ARHGAP23: variants seen among roughly 807,000 people sequenced by gnomAD.
ARHGAP23 encodes the protein Rho GTPase activating protein 23, also known as rho GTPase-activating protein 23.
A neutral mutation model predicts 136.3 loss-of-function variants in ARHGAP23; 34 were observed. That is an observed-to-expected ratio of 0.25 (90% CI 0.19 to 0.33). The LOEUF is 0.33. ARHGAP23 is among the 10% of genes least tolerant of loss of function. The pLI is 1.00. For missense variants in ARHGAP23, 1,808 were observed against 2,139.0 expected (o/e 0.85, Z 3.05); for synonymous variants, 832 against 920.5 (o/e 0.90, Z 1.74).
At chr17:38,432,672 G>A (rs2038710341) in intron 1 of ARHGAP23, among the ~76,000 whole-genome samples, 1 of 150,882 alleles carries the variant, frequency 6.6e-6, no homozygotes, top group Admixed American at 6.6e-5. Flanking sequence ...AGAGCAAAAT[G>A]TAGTCTTAAA....
chr17:38,468,682 G>C (rs372101544), intron 7 of ARHGAP23, among the ~76,000 whole-genome samples: 3 of 152,322 alleles, frequency 2.0e-5, no homozygotes, highest in East Asian at 3.9e-4. Context: ...GTCTGTTTGA[G>C]GGGGAGATGT....
chr17:38,466,387 C>A lies in ARHGAP23; in HGVS notation c.704C>A (p.Ala235Asp). The change falls in exon 7 of 24, where the codon GCT becomes GAT. Residue 235 changes from alanine to aspartate, a missense_variant. Around this residue, in one of 7 missense-constraint regions of ARHGAP23, gnomAD observed 859 missense variants for 936.4 expected, o/e 0.92. Coordinates refer to ENST00000622683, the MANE Select transcript of ARHGAP23 (RefSeq NM_001199417.2). ...GACCCGGGGCTCCGTGTGCCACCTG[C>A]TGCCCGTGCCCACCTGGACAACTCT... is the stretch of plus-strand genomic sequence containing the variant. ...WSDPGLRVPP[A>D]ARAHLDNSSL... The A allele has an allele frequency of 6.5e-7, 1 of 1,535,012 alleles. No homozygotes were observed. Among genetic ancestry groups the A allele is most frequent in the African/African-American group, 1.4e-5 (1 of 72,990 alleles).
At chr17:38,429,298 G>A (rs939132204) in intron 1 of ARHGAP23, among the ~76,000 whole-genome samples, 1 of 152,232 alleles carries the variant, frequency 6.6e-6, no homozygotes, top group Admixed American at 6.5e-5. Context: ...GGCCAGCAGG[G>A]GCCTCCCAGC....
rs1327063879 is a variant in ARHGAP23, at chr17:38,471,986, A to C, written c.2098A>C (p.Ile700Leu). The C allele has an allele frequency of 6.5e-7, 1 of 1,549,402 alleles. No homozygotes were observed. Among genetic ancestry groups the C allele is most frequent in the African/African-American group, 1.4e-5 (1 of 72,976 alleles). ...AGAAGGCTGGTTGTATTATAAGCAG[A>C]TTCTCACCAAGAAGGGGAAGGTAAG... is the stretch of plus-strand genomic sequence containing the variant. The part of the protein sequence containing the change: ...RREGWLYYKQ[I>L]LTKKGKKAGS... The change falls in exon 11 of 24, where the codon ATT (isoleucine) becomes CTT (leucine). Residue 700 changes from isoleucine to leucine, a missense_variant. Transcript: ENST00000622683.
At chr17:38,472,766 C>G (rs2039792574) in intron 11 of ARHGAP23, among the ~76,000 whole-genome samples, 1 of 152,202 alleles carries the variant, frequency 6.6e-6, no homozygotes. Context: ...TCACCCATTG[C>G]TCTGAGAGCC....
At chr17:38,470,309 C>T (rs1405670801) in intron 10 of ARHGAP23, among the ~76,000 whole-genome samples, 3 of 152,254 alleles carry the variant, frequency 2.0e-5, no homozygotes, top group Non-Finnish European at 1.5e-5. Flanking sequence ...TTCCCTTCCT[C>T]CCTGCCTGGC....
upstream of ARHGAP23, among the ~76,000 whole-genome samples, chr17:38,423,788 A>G (rs984859321): frequency 1.3e-5 from 2 of 152,142 alleles, no homozygotes; most frequent in Non-Finnish European, 2.9e-5. Context: ...AAGCCATAAA[A>G]GTGCAAGAAC....
At chr17:38,431,163 T>C (rs1034288772) in intron 1 of ARHGAP23, among the ~76,000 whole-genome samples, 2 of 152,150 alleles carry the variant, frequency 1.3e-5, no homozygotes, top group African/African-American at 4.8e-5. Flanking sequence ...CCACCCCAAA[T>C]CCGTGTCCAT....
At position 38,466,609 on chromosome 17, in the gene ARHGAP23, C is replaced by A. The variant is rs1481864354; in HGVS notation, c.926C>A (p.Ala309Asp). The A allele has an allele frequency of 2.0e-6, 3 of 1,511,614 alleles. No homozygotes were observed. In the East Asian group the frequency reaches 7.4e-5, roughly 37 times the overall value. 93.6% of individuals were successfully genotyped at this position (1,511,614 alleles called of 1,614,324 possible). Reference protein sequence around the residue: ...RAGERRCPAMAPRARSASQDR... With the variant: ...RAGERRCPAMDPRARSASQDR... ...GGGGAGAGACGGTGCCCAGCCATGG[C>A]CCCCCGGGCCCGCAGCGCCTCCCAG... Residue 309 changes from alanine (A) to aspartate (D), a missense_variant, in exon 7 of 24, where the codon GCC becomes GAC. Around this residue, in one of 7 missense-constraint regions of ARHGAP23, gnomAD observed 859 missense variants for 936.4 expected, o/e 0.92. Transcript: ENST00000622683.
At chr17:38,436,874 G>A (rs894316072) in intron 1 of ARHGAP23, among the ~76,000 whole-genome samples, 2 of 152,192 alleles carry the variant, frequency 1.3e-5, no homozygotes, top group Non-Finnish European at 2.9e-5. Context: ...AGGCGATAAC[G>A]GGAGTTTAAA....
chr17:38,470,570 T>C (rs2039726992), intron 10 of ARHGAP23, among the ~76,000 whole-genome samples: 1 of 152,230 alleles, frequency 6.6e-6, no homozygotes, highest in Non-Finnish European at 1.5e-5. Context: ...AGAGTCTCAC[T>C]CCATTGCCCA....
intron 11 of ARHGAP23, among the ~76,000 whole-genome samples, chr17:38,475,347 T>C (rs1478984980): frequency 2.0e-5 from 3 of 152,248 alleles, no homozygotes; most frequent in Non-Finnish European, 4.4e-5. Context: ...GGGAGTGCGG[T>C]TGACTTGTCC....
At position 38,470,258 on chromosome 17, in the gene ARHGAP23, CTA is replaced by C. The variant is rs200387149; in HGVS notation, c.1974+356_1974+357del. ...ACATTTCACGCCTCCCTTCGCTACTCTATGTTTTCCTCCTCAGCACGCCTCAT... is the reference window on the plus strand; with the variant it reads ...ACATTTCACGCCTCCCTTCGCTACTCTGTTTTCCTCCTCAGCACGCCTCAT... On this transcript the variant is annotated intron_variant, in intron 10 of 23. Coordinates refer to ENST00000622683, the MANE Select transcript of ARHGAP23 (RefSeq NM_001199417.2). 9.2e-3 allele frequency among the ~76,000 whole-genome samples: 1,397 copies of C among 152,360 alleles called. 20 individuals carry two copies. Among genetic ancestry groups the C allele is most frequent in the African/African-American group, 0.032 (1,321 of 41,586 alleles).
chr17:38,495,601 C>T (rs2040374935), intron 20 of ARHGAP23, among the ~76,000 whole-genome samples: 1 of 152,090 alleles, frequency 6.6e-6, no homozygotes, highest in Admixed American at 6.5e-5. Context: ...CCCTTCTGGC[C>T]TTCCTGTGCT....
chr17:38,457,013 G>A (rs1441948496), intron 1 of ARHGAP23, among the ~76,000 whole-genome samples: 7 of 152,098 alleles, frequency 4.6e-5, no homozygotes, highest in Admixed American at 2.6e-4. Context: ...GGGTTCAAGC[G>A]ATTCTCCTGC....
At chr17:38,457,503 T>C (rs1460295535) in intron 1 of ARHGAP23, 2 of 156,514 alleles carry the variant, frequency 1.3e-5, no homozygotes, top group African/African-American at 4.8e-5. Context: ...ACTTTGATTC[T>C]GTGCAACTCT....
chr17:38,444,321 C>A lies in ARHGAP23; in HGVS notation c.64-13781C>A, dbSNP rs147448489. ...CCACGGGACCTGCCTGCCAGGCAGCCGAGATGTGCACCCTTCATTGTGCGG... is the reference window on the plus strand; with the variant it reads ...CCACGGGACCTGCCTGCCAGGCAGCAGAGATGTGCACCCTTCATTGTGCGG... On this transcript the variant is annotated intron_variant, in intron 1 of 23. Coordinates refer to ENST00000622683, the MANE Select transcript of ARHGAP23 (RefSeq NM_001199417.2). Among the ~76,000 whole-genome samples, 18 of 152,072 alleles carry A rather than the reference C, an allele frequency of 1.2e-4. No homozygotes were observed. In the East Asian group the frequency reaches 3.5e-3, roughly 30 times the overall value.
In ARHGAP23 at chr17:38,486,536, CTTTT is replaced by C. The variant is rs34888986; in HGVS notation, c.2986+413_2986+416del. 3.2e-4 allele frequency among the ~76,000 whole-genome samples: 40 copies of C among 125,834 alleles called. 1 individual carries two copies. The highest frequency in any genetic ancestry group is 9.6e-4 in the African/African-American group (32 of 33,348). 82.6% of individuals were successfully genotyped at this position (125,834 alleles called of 152,430 possible). On this transcript the variant is annotated intron_variant, in intron 17 of 23. Transcript: ENST00000622683. ...TTACAGGCATGAGCCACCACGCTGG[CTTTT>C]TTTTTTTTTTTTTTTTAACACAAAA...
chr17:38,442,695 A>C (rs1260204415), intron 1 of ARHGAP23, among the ~76,000 whole-genome samples: 1 of 152,210 alleles, frequency 6.6e-6, no homozygotes, highest in Non-Finnish European at 1.5e-5. Flanking sequence ...CAGAAACAGC[A>C]TGTGCAAAGG....
Sources: allele counts gnomAD v4.1 joint callset (sites outside exome capture counted in the v4.1 genomes callset), GRCh38; gene constraint gnomAD v4.1.1; regional missense constraint gnomAD v4.1.1; transcripts MANE v1.5; gene names NCBI Gene and HGNC (gene_info 2026-07-23, HGNC 2026-07-21).